The following CHCHD6 variants were observed in gnomAD, a reference collection of about 807,000 sequenced individuals.
The protein encoded by CHCHD6 is MICOS complex subunit MIC25.
CHCHD6 carries 28 observed loss-of-function variants against 32.3 expected under a neutral mutation model. The observed-to-expected ratio is 0.87, with a 90% confidence interval of 0.64 to 1.19. The LOEUF (loss-of-function observed/expected upper bound fraction) is 1.19. CHCHD6 is among the 50% of genes most tolerant of loss of function. The pLI, the probability that CHCHD6 is intolerant of heterozygous loss-of-function variation, is 0.00. For missense variants in CHCHD6, 333 were observed against 307.0 expected (o/e 1.08, Z -0.63); for synonymous variants, 122 against 117.5 (o/e 1.04, Z -0.25).
intron 6 of CHCHD6, among the ~76,000 whole-genome samples, chr3:126,918,146 G>T (rs2078197237): frequency 6.6e-6 from 1 of 152,222 alleles, no homozygotes; most frequent in African/African-American, 2.4e-5. Flanking sequence ...TGTACAGTTA[G>T]AAATTACTTA....
intron 6 of CHCHD6, among the ~76,000 whole-genome samples, chr3:126,946,158 G>T (rs987912027): frequency 6.6e-6 from 1 of 152,102 alleles, no homozygotes; most frequent in African/African-American, 2.4e-5. Context: ...CAGAAACAGC[G>T]CCAGAAAGCT....
intron 4 of CHCHD6, among the ~76,000 whole-genome samples, chr3:126,800,191 A>G (rs543497652): frequency 6.6e-6 from 1 of 152,342 alleles, no homozygotes; most frequent in East Asian, 1.9e-4. Flanking sequence ...TAGGAAAGAT[A>G]AAACTCAACG....
intron 5 of CHCHD6, among the ~76,000 whole-genome samples, chr3:126,889,101 A>C (rs2107576871): frequency 6.6e-6 from 1 of 152,278 alleles, no homozygotes; most frequent in Non-Finnish European, 1.5e-5. Flanking sequence ...GTGGCTGCCC[A>C]GCTGTGTTGG....
At chr3:126,933,218 T>C (rs990907728) in intron 6 of CHCHD6, among the ~76,000 whole-genome samples, 35 of 152,286 alleles carry the variant, frequency 2.3e-4, no homozygotes, top group African/African-American at 8.4e-4. Context: ...CGAAGCCTGG[T>C]ACAACCTCCC....
intron 5 of CHCHD6, among the ~76,000 whole-genome samples, chr3:126,887,962 C>T (rs2077701352): frequency 6.6e-6 from 1 of 152,232 alleles, no homozygotes; most frequent in Non-Finnish European, 1.5e-5. Flanking sequence ...AAGAATCCTA[C>T]TAATATCCAC....
At chr3:126,934,018 C>CT (rs1000118480) in intron 6 of CHCHD6, among the ~76,000 whole-genome samples, 5 of 152,224 alleles carry the variant, frequency 3.3e-5, no homozygotes, top group African/African-American at 1.2e-4. Context: ...CGCTCTTCTC[C>CT]TGTCAGCGGC....
At chr3:126,844,065 A>C (rs1039409839) in intron 4 of CHCHD6, among the ~76,000 whole-genome samples, 2 of 152,128 alleles carry the variant, frequency 1.3e-5, no homozygotes, top group African/African-American at 4.8e-5. Context: ...TACAATTTCT[A>C]ATTTAATCCT....
At chr3:126,782,595 G>A (rs1937997361) in intron 4 of CHCHD6, among the ~76,000 whole-genome samples, 1 of 152,242 alleles carries the variant, frequency 6.6e-6, no homozygotes, top group African/African-American at 2.4e-5. Flanking sequence ...TGAAGAAGCA[G>A]GCCTTAGAAG....
At chr3:126,861,530 A>ACACCACCACCACCAG (rs1941867719) in intron 5 of CHCHD6, among the ~76,000 whole-genome samples, 1 of 150,692 alleles carries the variant, frequency 6.6e-6, no homozygotes, top group Non-Finnish European at 1.5e-5. Context: ...ACCACTACCA[A>ACACCACCACCACCAG]CACCACCACC....
intron 5 of CHCHD6, among the ~76,000 whole-genome samples, chr3:126,892,458 C>T (rs539015556): frequency 6.6e-6 from 1 of 152,336 alleles, no homozygotes; most frequent in South Asian, 2.1e-4. Flanking sequence ...GCAGGGTGCT[C>T]ACAACTTCAC....
At chr3:126,746,993 G>A (rs1318471431) in intron 4 of CHCHD6, among the ~76,000 whole-genome samples, 2 of 152,230 alleles carry the variant, frequency 1.3e-5, no homozygotes, top group Non-Finnish European at 2.9e-5. Context: ...TGGCCCGGGA[G>A]TACTGGGGGA....
intron 5 of CHCHD6, among the ~76,000 whole-genome samples, chr3:126,858,264 G>A (rs1436156288): frequency 6.9e-6 from 1 of 145,412 alleles, no homozygotes; most frequent in Non-Finnish European, 1.5e-5. Context: ...CCCTTTGGGG[G>A]CAGCAGTGAC....
At chr3:126,845,113 C>G (rs116506709) in intron 4 of CHCHD6, among the ~76,000 whole-genome samples, 2 of 152,158 alleles carry the variant, frequency 1.3e-5, no homozygotes, top group East Asian at 3.8e-4. Flanking sequence ...TAATTTCATA[C>G]CATAGCAACA....
At position 126,952,968 on chromosome 3, in the gene CHCHD6, A is replaced by G. The variant is rs527376109; in HGVS notation, c.567-4448A>G. 93 of 985,340 alleles carry G rather than the reference A, an allele frequency of 9.4e-5. 1 individual carries two copies. The Middle Eastern group carries it at 1.6e-3, about 17-fold the overall frequency. The allele number at this position is 985,340 out of a possible 1,614,324, so 61.0% of individuals were successfully genotyped here. A position where few individuals can be genotyped will look rare whatever the true frequency, so the allele number is the denominator to read the frequency against. ...CCATCACATTCTCAGGGCCATCAGG[A>G]GGCTGGATGTGGGGTCTTCTGTGGT... On this transcript the variant is annotated intron_variant, in intron 6 of 7. Coordinates refer to ENST00000290913, the MANE Select transcript of CHCHD6 (RefSeq NM_032343.3).
intron 1 of CHCHD6, among the ~76,000 whole-genome samples, chr3:126,715,009 T>G (rs1004544767): frequency 6.6e-6 from 1 of 152,202 alleles, no homozygotes; most frequent in Admixed American, 6.5e-5. Context: ...AAAAACATAC[T>G]CATTTTCATA....
At chr3:126,936,114 T>C in intron 6 of CHCHD6, among the ~76,000 whole-genome samples, 1 of 152,258 alleles carries the variant, frequency 6.6e-6, no homozygotes, top group East Asian at 1.9e-4. Flanking sequence ...CAGCTTGTGC[T>C]GTGAAATTCC....
chr3:126,708,509 T>G (rs1174526479), intron 1 of CHCHD6, among the ~76,000 whole-genome samples: 1 of 152,078 alleles, frequency 6.6e-6, no homozygotes, highest in Non-Finnish European at 1.5e-5. Context: ...GTGACACTGA[T>G]TTTTCTTTAA....
intron 5 of CHCHD6, among the ~76,000 whole-genome samples, chr3:126,853,075 C>T (rs114524002): frequency 0.029 from 4,409 of 152,152 alleles, 94 homozygotes; most frequent in Non-Finnish European, 0.039. Context: ...TTTAGTTAAG[C>T]TGCATTTGGT....
chr3:126,783,670 A>C (rs1378942710), intron 4 of CHCHD6, among the ~76,000 whole-genome samples: 1 of 152,186 alleles, frequency 6.6e-6, no homozygotes, highest in Non-Finnish European at 1.5e-5. Context: ...TTAAGAAAAC[A>C]ATCCCATTTA....
Sources: gnomAD v4.1 joint callset for allele counts (sites outside exome capture counted in the v4.1 genomes callset) on GRCh38, gnomAD v4.1.1 for gene constraint, MANE v1.5 for transcripts, NCBI Gene and HGNC (gene_info 2026-07-23, HGNC 2026-07-21) for gene names.